Variants in EPSTI1 observed in about 807,000 individuals in gnomAD.
The protein encoded by EPSTI1 is epithelial stromal interaction 1.
In EPSTI1, 66 loss-of-function variants were observed where a neutral mutation model predicts 49.9. That is an observed-to-expected ratio of 1.32 (90% CI 1.08 to 1.62). The LOEUF is 1.62. Among genes scored for constraint, EPSTI1 ranks in the 40% most tolerant of loss-of-function variants. EPSTI1 has a pLI of 0.00. For synonymous variants in EPSTI1, 137 were observed against 130.7 expected, an observed-to-expected ratio of 1.05 and a Z score of -0.33; for missense variants, 394 against 365.5, an observed-to-expected ratio of 1.08 and a Z score of -0.64.
chr13:42,928,496 G>T (rs564134293), intron 6 of EPSTI1, among the ~76,000 whole-genome samples: 1 of 152,184 alleles, frequency 6.6e-6, no homozygotes, highest in Non-Finnish European at 1.5e-5. Context: ...TCTACTGCCT[G>T]TTGGAGAGGG....
intron 7 of EPSTI1, among the ~76,000 whole-genome samples, chr13:42,924,514 G>T (rs911781089): frequency 6.6e-6 from 1 of 152,152 alleles, no homozygotes; most frequent in Non-Finnish European, 1.5e-5. Flanking sequence ...GGGAGCCCTC[G>T]AACGGAAAGG....
At position 42,897,064 on chromosome 13, in the gene EPSTI1, C is replaced by T. The variant is rs561795201; in HGVS notation, c.816-1956G>A. ...GCAGTGAGTGGAGATGATGTCACTG[C>T]ACTCCAGCCTGGGCGACAGAGCAAA... On this transcript the variant is annotated intron_variant, in intron 9 of 10. Coordinates refer to ENST00000313624, the MANE Select transcript of EPSTI1 (RefSeq NM_033255.5). 2.7e-5 allele frequency among the ~76,000 whole-genome samples: 4 copies of T among 149,188 alleles called. No homozygotes were observed. In the Admixed American group the frequency reaches 2.7e-4, roughly 10 times the overall value.
In EPSTI1 at chr13:42,886,619, G is replaced by T. The variant is rs1226318502; in HGVS notation, c.*1875C>A. On this transcript the variant is annotated 3_prime_UTR_variant, in exon 11 of 11. Transcript: ENST00000313624. ...TTATTCCAATTGATTCAACGTGGCA[G>T]ATTAAATGTGAAAAGTAAAATGGTG... The T allele has an allele frequency of 6.6e-6, 1 of 152,174 alleles. No individual in the cohort carries two copies. Among genetic ancestry groups the T allele is most frequent in the Non-Finnish European group, 1.5e-5 (1 of 68,036 alleles). The allele number at this position is 152,174 out of a possible 1,614,324, so 9.4% of individuals were successfully genotyped here.
At chr13:42,902,103 C>G (rs898582611) in intron 8 of EPSTI1, among the ~76,000 whole-genome samples, 1 of 152,094 alleles carries the variant, frequency 6.6e-6, no homozygotes, top group Non-Finnish European at 1.5e-5. Flanking sequence ...GAACTCATTT[C>G]TTAATTTTTA....
At chr13:42,991,924 A>G in intron 1 of EPSTI1, 54 bp downstream of exon 1, 1 of 1,595,540 alleles carries the variant, frequency 6.3e-7, no homozygotes, top group Non-Finnish European at 8.6e-7. Flanking sequence ...CTTGTGAGTG[A>G]GTATGTTTGG....
chr13:42,893,711 G>A (rs1320774276), intron 10 of EPSTI1, among the ~76,000 whole-genome samples: 1 of 152,146 alleles, frequency 6.6e-6, no homozygotes, highest in Non-Finnish European at 1.5e-5. Flanking sequence ...GTCCCAGATA[G>A]GTGCTTTCTA....
chr13:42,934,367 C>T (rs1199016420), intron 6 of EPSTI1: 1 of 156,166 alleles, frequency 6.4e-6, no homozygotes, highest in South Asian at 2.0e-4. Flanking sequence ...TTTTGACCAT[C>T]GTTAGGTTTG....
At chr13:42,903,357 G>C (rs2037414057) in intron 8 of EPSTI1, among the ~76,000 whole-genome samples, 1 of 152,120 alleles carries the variant, frequency 6.6e-6, no homozygotes, top group South Asian at 2.1e-4. Flanking sequence ...ATCAAACATT[G>C]AAAGATATCA....
intron 8 of EPSTI1, among the ~76,000 whole-genome samples, chr13:42,912,579 A>G (rs2037718456): frequency 6.6e-6 from 1 of 152,240 alleles, no homozygotes; most frequent in Non-Finnish European, 1.5e-5. Context: ...ATTAAAATGG[A>G]AAGAAAAAAA....
chr13:42,992,101 C>T lies in EPSTI1; in HGVS notation c.65G>A (p.Arg22Gln). 6.2e-7 allele frequency: 1 copy of T among 1,611,738 alleles called. No individual in the cohort carries two copies. The highest frequency in any genetic ancestry group is 8.5e-7 in the Non-Finnish European group (1 of 1,179,342). Residue 22 changes from arginine (R) to glutamine (Q), a missense_variant, in exon 1 of 11, where the codon CGG becomes CAG. Arg to Gln is a conservative substitution (Grantham distance 43). Coordinates refer to ENST00000313624, the MANE Select transcript of EPSTI1 (RefSeq NM_033255.5). ...CCGCCCAGAAGGGTCCTGGGGATCC[C>T]GGGTCGGGCGGGAGGCAGGGGAGGC... ...LGASPASRPT[R>Q]DPQDPSGRQG...
At chr13:42,975,896 C>G (rs1387140464) in intron 1 of EPSTI1, among the ~76,000 whole-genome samples, 1 of 152,210 alleles carries the variant, frequency 6.6e-6, no homozygotes, top group Admixed American at 6.5e-5. Flanking sequence ...GACTCACCAT[C>G]TTTAAGAGGC....
intron 5 of EPSTI1, among the ~76,000 whole-genome samples, chr13:42,955,781 G>A (rs1461437095): frequency 2.0e-5 from 3 of 146,566 alleles, no homozygotes; most frequent in Admixed American, 7.0e-5. Context: ...CAGCCTGGGC[G>A]ACAAGAGTGA....
At chr13:42,907,864 T>C (rs2037541661) in intron 8 of EPSTI1, among the ~76,000 whole-genome samples, 1 of 152,186 alleles carries the variant, frequency 6.6e-6, no homozygotes, top group Admixed American at 6.5e-5. Flanking sequence ...CGAATTGACT[T>C]TTATGTATAA....
At chr13:42,896,350 T>A (rs1265520672) in intron 9 of EPSTI1, among the ~76,000 whole-genome samples, 1 of 152,158 alleles carries the variant, frequency 6.6e-6, no homozygotes, top group Non-Finnish European at 1.5e-5. Flanking sequence ...GAGACTCAAC[T>A]ATCAAGAAAA....
In EPSTI1 at chr13:42,992,093, G is replaced by A. The variant is rs2040207246; in HGVS notation, c.73C>T (p.Gln25Ter). 8.7e-6 allele frequency: 14 copies of A among 1,612,512 alleles called. No individual in the cohort carries two copies. The highest frequency in any genetic ancestry group is 1.2e-5 in the Non-Finnish European group (14 of 1,179,680). The change falls in exon 1 of 11, where the codon CAG (glutamine) becomes TAG (stop). Residue 25 changes from glutamine to a stop codon, truncating the protein, a stop_gained. Coordinates refer to ENST00000313624, the MANE Select transcript of EPSTI1 (RefSeq NM_033255.5). LOFTEE classifies it high-confidence loss of function. ...SPASRPTRDP[Q>*]DPSGRQGELS... Reference sequence around the variant, plus strand: ...TCCCCTTGCCGCCCAGAAGGGTCCTGGGGATCCCGGGTCGGGCGGGAGGCA... The same window carrying A: ...TCCCCTTGCCGCCCAGAAGGGTCCTAGGGATCCCGGGTCGGGCGGGAGGCA...
chr13:42,911,268 C>CGT (rs1461479473), intron 8 of EPSTI1, among the ~76,000 whole-genome samples: 12 of 96,002 alleles, frequency 1.2e-4, no homozygotes, highest in African/African-American at 3.9e-4. Context: ...TGTGTGTGCG[C>CGT]GCGCACGCGC....
intron 8 of EPSTI1, among the ~76,000 whole-genome samples, chr13:42,900,928 G>A (rs776270973): frequency 2.0e-4 from 30 of 152,132 alleles, no homozygotes; most frequent in Non-Finnish European, 4.1e-4. Context: ...GATCTCTGGA[G>A]GAGATACTTT....
At chr13:42,954,148 T>C (rs1028433538) in intron 5 of EPSTI1, 127 bp from the exon 6 acceptor site, 9 of 690,188 alleles carry the variant, frequency 1.3e-5, no homozygotes, top group Non-Finnish European at 2.1e-5. Flanking sequence ...AGTATCCTGC[T>C]AGAGGCTCCA....
In EPSTI1 at chr13:42,969,093, C is replaced by G; in HGVS notation, c.331+1G>C. On this transcript the variant is annotated splice_donor_variant, in intron 3 of 10. Coordinates refer to ENST00000313624, the MANE Select transcript of EPSTI1 (RefSeq NM_033255.5). LOFTEE classifies it high-confidence loss of function. ...TTCCGGCAGCGGCTGTGCTTGCTTA[C>G]CTAGCCGTCTGGGCACCAGGTGAAC... The G allele has an allele frequency of 6.2e-7, 1 of 1,614,124 alleles. No homozygotes were observed. Among genetic ancestry groups the G allele is most frequent in the Non-Finnish European group, 8.5e-7 (1 of 1,180,030 alleles).
Sources: allele counts gnomAD v4.1 joint callset (sites outside exome capture counted in the v4.1 genomes callset), GRCh38; gene constraint gnomAD v4.1.1; transcripts MANE v1.5; gene names NCBI Gene and HGNC (gene_info 2026-07-23, HGNC 2026-07-21).